The following LYRM7 variants were observed in gnomAD, a reference collection of about 807,000 sequenced individuals.
LYRM7 encodes complex III assembly factor LYRM7.
LYRM7 carries 9 observed loss-of-function variants against 15.8 expected under a neutral mutation model. The ratio of observed to expected loss-of-function variants is 0.57; its 90% confidence interval spans 0.34 to 0.99. The LOEUF is 0.99. LYRM7 is among the 50% of genes least tolerant of loss of function. The probability of loss-of-function intolerance (pLI) is 0.02; values close to 1 mark genes in which losing one functional copy is unlikely to be tolerated. For missense variants in LYRM7, 115 were observed against 119.1 expected (o/e 0.97, Z 0.16); for synonymous variants, 39 against 39.4 (o/e 0.99, Z 0.04).
intron 3 of LYRM7, among the ~76,000 whole-genome samples, chr5:131,184,851 C>T (rs1020598201): frequency 2.6e-4 from 39 of 152,092 alleles, no homozygotes; most frequent in African/African-American, 9.4e-4. Context: ...AGGCTTTGCT[C>T]TCCCACAGCT....
At chr5:131,199,003 C>T (rs1269006729) in intron 4 of LYRM7, among the ~76,000 whole-genome samples, 4 of 152,136 alleles carry the variant, frequency 2.6e-5, no homozygotes, top group Non-Finnish European at 5.9e-5. Context: ...GACAGTTCTT[C>T]ACTATGCCAG....
At chr5:131,182,817 C>T (rs1220088378) in intron 3 of LYRM7, among the ~76,000 whole-genome samples, 1 of 152,084 alleles carries the variant, frequency 6.6e-6, no homozygotes, top group Non-Finnish European at 1.5e-5. Context: ...CCTAATACTC[C>T]TAGTAGAAGT....
At position 131,200,501 on chromosome 5, in the gene LYRM7, C is replaced by A. The variant is rs1036917944; in HGVS notation, c.*900C>A. 3 of 152,286 alleles carry A rather than the reference C, an allele frequency of 2.0e-5. No individual in the cohort carries two copies. Among genetic ancestry groups the A allele is most frequent in the African/African-American group, 7.2e-5 (3 of 41,444 alleles). The allele number at this position is 152,286 out of a possible 1,614,324, so 9.4% of individuals were successfully genotyped here. ...GAACTGTAAAATACTGTTTAATATT[C>A]TTCTTGTTTCTCTTTTATCTGTGTA... On this transcript the variant is annotated 3_prime_UTR_variant, in exon 5 of 5. Transcript: ENST00000379380.
intron 1 of LYRM7, 44 bp from the exon 2 acceptor site, chr5:131,180,051 C>A: frequency 7.7e-7 from 1 of 1,296,478 alleles, no homozygotes; most frequent in Non-Finnish European, 1.1e-6. Context: ...GGATTACAGG[C>A]ATGAGCCACT....
intron 1 of LYRM7, 126 bp downstream of exon 1, chr5:131,171,164 C>G: frequency 9.7e-7 from 1 of 1,030,546 alleles, no homozygotes; most frequent in Non-Finnish European, 1.3e-6. Context: ...GTGGCTGTTA[C>G]CCCAGAGAAG....
intron 1 of LYRM7, among the ~76,000 whole-genome samples, chr5:131,179,455 C>CTTTTTTTTTTTTTTTTTCTTTTT (rs1340001532): frequency 1.0e-5 from 1 of 95,338 alleles, no homozygotes; most frequent in African/African-American, 4.2e-5. Context: ...TTTTTCTTTT[C>CTTTTTTTTTTTTTTTTTCTTTTT]TTTTTTTTTT....
At chr5:131,184,240 T>TA (rs1755758079) in intron 3 of LYRM7, among the ~76,000 whole-genome samples, 1 of 152,226 alleles carries the variant, frequency 6.6e-6, no homozygotes, top group East Asian at 1.9e-4. Flanking sequence ...GTGCTGGGAT[T>TA]ACAGGCGTGA....
intron 4 of LYRM7, among the ~76,000 whole-genome samples, chr5:131,191,294 CTA>C (rs1261159394): frequency 1.3e-5 from 2 of 151,884 alleles, no homozygotes; most frequent in Non-Finnish European, 2.9e-5. Context: ...TTAGCAGTGT[CTA>C]TACTGTCACG....
chr5:131,193,745 C>T (rs868031056), intron 4 of LYRM7, among the ~76,000 whole-genome samples: 2 of 152,126 alleles, frequency 1.3e-5, no homozygotes, highest in African/African-American at 2.4e-5. Context: ...CGGTGGGTCA[C>T]GCCTATAATC....
At position 131,199,659 on chromosome 5, in the gene LYRM7, C is replaced by A. The variant is rs1406575214; in HGVS notation, c.*58C>A. On this transcript the variant is annotated 3_prime_UTR_variant, in exon 5 of 5. Transcript: ENST00000379380. ...TTAACTTTAAAATCTACAACTCTGG[C>A]AAAAGTCCTGGAAATGCAGACATTT... 3.2e-6 allele frequency: 4 copies of A among 1,243,584 alleles called. No individual in the cohort carries two copies. The highest frequency in any genetic ancestry group is 1.5e-5 in the African/African-American group (1 of 65,784). 77.0% of individuals were successfully genotyped at this position (1,243,584 alleles called of 1,614,324 possible).
chr5:131,176,995 A>G (rs1040334826), intron 1 of LYRM7, among the ~76,000 whole-genome samples: 2 of 152,148 alleles, frequency 1.3e-5, no homozygotes, highest in African/African-American at 4.8e-5. Context: ...CTAGTACTTT[A>G]ACATCTTTGA....
chr5:131,195,904 C>T (rs1755955220), intron 4 of LYRM7, among the ~76,000 whole-genome samples: 1 of 152,080 alleles, frequency 6.6e-6, no homozygotes, highest in Non-Finnish European at 1.5e-5. Context: ...AGTATCTCCA[C>T]CTTAGAACAA....
chr5:131,174,843 CA>C (rs1308346873), intron 1 of LYRM7, among the ~76,000 whole-genome samples: 1 of 150,092 alleles, frequency 6.7e-6, no homozygotes, highest in Admixed American at 6.6e-5. Context: ...GGCCCTGTCT[CA>C]AAAAAAAAGG....
At chr5:131,195,869 A>G (rs1755954582) in intron 4 of LYRM7, among the ~76,000 whole-genome samples, 2 of 152,156 alleles carry the variant, frequency 1.3e-5, no homozygotes, top group South Asian at 2.1e-4. Flanking sequence ...AAGCTTTTAA[A>G]GCCCCAAAGA....
At chr5:131,187,483 G>GTTTTTTTTTTTTTTTTTTTTT (rs67748558) in intron 4 of LYRM7, among the ~76,000 whole-genome samples, 1 of 142,770 alleles carries the variant, frequency 7.0e-6, no homozygotes, top group African/African-American at 2.5e-5. Flanking sequence ...TTTTGTTTTT[G>GTTTTTTTTTTTTTTTTTTTTT]TTTTTTTTTT....
intron 1 of LYRM7, among the ~76,000 whole-genome samples, chr5:131,177,980 A>G (rs1262648443): frequency 3.3e-5 from 5 of 152,244 alleles, no homozygotes; most frequent in East Asian, 1.9e-4. Context: ...TTGATAGCCA[A>G]GAGCTTTTGG....
chr5:131,199,557 G>A lies in LYRM7; in HGVS notation c.271G>A (p.Val91Ile). The A allele has an allele frequency of 6.3e-7, 1 of 1,592,372 alleles. No individual in the cohort carries two copies. Among genetic ancestry groups the A allele is most frequent in the Non-Finnish European group, 8.6e-7 (1 of 1,169,446 alleles). ...ACTGGTCCCTAGGAAAGACCTTCTT[G>A]TAGAAAATGTGCCATATTGTGATGC... ...LKLVPRKDLL[V>I]ENVPYCDAPT... The change falls in exon 5 of 5, where the codon GTA becomes ATA. Residue 91 changes from valine (V) to isoleucine (I), a missense_variant. Val to Ile is a conservative substitution (Grantham distance 29). Coordinates refer to ENST00000379380, the MANE Select transcript of LYRM7 (RefSeq NM_181705.4).
At chr5:131,187,154 T>C (rs1240117736) in intron 4 of LYRM7, 45 bp downstream of exon 4, 1 of 1,061,012 alleles carries the variant, frequency 9.4e-7, no homozygotes, top group South Asian at 1.4e-5. Flanking sequence ...CAATGTGTTT[T>C]AAAATATTGA....
chr5:131,186,907 G>C, intron 3 of LYRM7, 121 bp from the exon 4 acceptor site: 1 of 612,040 alleles, frequency 1.6e-6, no homozygotes, highest in East Asian at 3.0e-5. Flanking sequence ...TGAAACTGCA[G>C]ATAAGGAGAA....
Sources: gnomAD v4.1 joint callset for allele counts (sites outside exome capture counted in the v4.1 genomes callset) on GRCh38, gnomAD v4.1.1 for gene constraint, MANE v1.5 for transcripts, NCBI Gene and HGNC (gene_info 2026-07-23, HGNC 2026-07-21) for gene names.